Variants in THSD7A observed in about 807,000 individuals in gnomAD.
THSD7A encodes the protein thrombospondin type 1 domain containing 7A, also known as thrombospondin type-1 domain-containing protein 7A.
THSD7A carries 96 observed loss-of-function variants against 231.3 expected under a neutral mutation model. That is an observed-to-expected ratio of 0.41 (90% CI 0.35 to 0.49). The LOEUF (loss-of-function observed/expected upper bound fraction) is 0.49. THSD7A is among the 20% of genes least tolerant of loss of function. The pLI, the probability that THSD7A is intolerant of heterozygous loss-of-function variation, is 0.05. For synonymous variants in THSD7A, 940 were observed against 743.3 expected, an observed-to-expected ratio of 1.26 and a Z score of -4.30; for missense variants, 2,290 against 2,070.2, an observed-to-expected ratio of 1.11 and a Z score of -2.06.
At chr7:11,591,864 A>G (rs1780178199) in intron 3 of THSD7A, among the ~76,000 whole-genome samples, 1 of 152,226 alleles carries the variant, frequency 6.6e-6, no homozygotes, top group Admixed American at 6.5e-5. Context: ...TGAAGTTCTG[A>G]TTTAGGTCAC....
chr7:11,674,110 A>G (rs1783534135), intron 1 of THSD7A, among the ~76,000 whole-genome samples: 1 of 151,978 alleles, frequency 6.6e-6, no homozygotes, highest in South Asian at 2.1e-4. Context: ...ACCCTGAGGT[A>G]GGGGAGAGTG....
chr7:11,469,824 A>C lies in THSD7A; in HGVS notation c.2368+55T>G, dbSNP rs1305583230. Reference sequence around the variant, plus strand: ...CATTGCTAGGCCAGAAGACCTCAGAAGTCTACCGAGGAGGTTTTCTAGGTG... The same window carrying C: ...CATTGCTAGGCCAGAAGACCTCAGACGTCTACCGAGGAGGTTTTCTAGGTG... On this transcript the variant is annotated intron_variant, in intron 9 of 27. Coordinates refer to ENST00000423059, the MANE Select transcript of THSD7A (RefSeq NM_015204.3). 9.8e-6 allele frequency: 12 copies of C among 1,228,068 alleles called. No individual in the cohort carries two copies. In the Middle Eastern group the frequency reaches 1.3e-3, roughly 135 times the overall value. The allele number at this position is 1,228,068 out of a possible 1,614,324, so 76.1% of individuals were successfully genotyped here.
chr7:11,554,747 T>C (rs1046177402), intron 4 of THSD7A, among the ~76,000 whole-genome samples: 1 of 152,056 alleles, frequency 6.6e-6, no homozygotes, highest in Non-Finnish European at 1.5e-5. Flanking sequence ...ATTTTTCTTT[T>C]TGGTGAACTG....
intron 26 of THSD7A, chr7:11,378,852 C>T: frequency 1.9e-6 from 1 of 534,954 alleles, no homozygotes; most frequent in Non-Finnish European, 3.3e-6. Flanking sequence ...AAAATTTTTT[C>T]TCAGAAGAAT....
At chr7:11,438,616 A>G (rs1238510791) in intron 13 of THSD7A, among the ~76,000 whole-genome samples, 2 of 152,056 alleles carry the variant, frequency 1.3e-5, no homozygotes, top group Non-Finnish European at 2.9e-5. Flanking sequence ...ATATTATATT[A>G]ATAAGGCATT....
chr7:11,717,508 G>A (rs1489353119), intron 1 of THSD7A, among the ~76,000 whole-genome samples: 1 of 151,608 alleles, frequency 6.6e-6, no homozygotes, highest in East Asian at 2.0e-4. Flanking sequence ...GACAAGGAGT[G>A]GCACAGTGCC....
intron 1 of THSD7A, among the ~76,000 whole-genome samples, chr7:11,703,947 A>G (rs1339740981): frequency 6.6e-6 from 1 of 151,222 alleles, no homozygotes; most frequent in Non-Finnish European, 1.5e-5. Flanking sequence ...ATTGGGGTAT[A>G]ATTGGCAACA....
At chr7:11,599,797 G>A (rs556186969) in intron 2 of THSD7A, among the ~76,000 whole-genome samples, 1 of 152,066 alleles carries the variant, frequency 6.6e-6, no homozygotes, top group East Asian at 1.9e-4. Context: ...GATGCTGGGT[G>A]TGTCTGTGAG....
chr7:11,788,213 T>C (rs938352850), intron 1 of THSD7A, among the ~76,000 whole-genome samples: 3 of 152,112 alleles, frequency 2.0e-5, no homozygotes, highest in African/African-American at 7.2e-5. Context: ...ACAGCAGTAA[T>C]GATGCAGTCA....
chr7:11,706,047 T>A lies in THSD7A; in HGVS notation c.191-69086A>T, dbSNP rs57294022. ...TTTGCTAATATACTGTGAAGCCACA[T>A]TCGTCTGGTTCTTATAAAATGTTTC... On this transcript the variant is annotated intron_variant, in intron 1 of 27. Coordinates refer to ENST00000423059, the MANE Select transcript of THSD7A (RefSeq NM_015204.3). Among the ~76,000 whole-genome samples, 338 of 151,124 alleles carry A rather than the reference T, an allele frequency of 2.2e-3. 2 individuals are homozygous for A. The highest frequency in any genetic ancestry group is 7.6e-3 in the African/African-American group (314 of 41,436).
chr7:11,391,752 A>C (rs1782989852), intron 23 of THSD7A, among the ~76,000 whole-genome samples: 1 of 152,200 alleles, frequency 6.6e-6, no homozygotes, highest in Non-Finnish European at 1.5e-5. Context: ...CGGAGGCACC[A>C]GAGGGAATCT....
At chr7:11,528,065 GC>G (rs1562687796) in intron 6 of THSD7A, among the ~76,000 whole-genome samples, 3 of 152,270 alleles carry the variant, frequency 2.0e-5, no homozygotes, top group Admixed American at 2.0e-4. Context: ...TACTTGGAAG[GC>G]TGAGGCAGGA....
intron 4 of THSD7A, among the ~76,000 whole-genome samples, chr7:11,555,466 C>T (rs1789806061): frequency 6.6e-6 from 1 of 151,800 alleles, no homozygotes; most frequent in African/African-American, 2.4e-5. Flanking sequence ...ATTTGTTGAA[C>T]TATGTTTTAT....
intron 1 of THSD7A, among the ~76,000 whole-genome samples, chr7:11,801,810 T>C (rs1583302625): frequency 6.6e-6 from 1 of 152,220 alleles, no homozygotes; most frequent in South Asian, 2.1e-4. Context: ...TAAAACTCTA[T>C]GTACTGTTCC....
chr7:11,461,751 A>G (rs189016461), intron 10 of THSD7A, among the ~76,000 whole-genome samples: 3 of 152,314 alleles, frequency 2.0e-5, no homozygotes, highest in Non-Finnish European at 2.9e-5. Flanking sequence ...ATGTTATATC[A>G]ACATAAGACA....
intron 6 of THSD7A, among the ~76,000 whole-genome samples, chr7:11,529,058 A>C (rs62432823): frequency 0.019 from 2,832 of 152,262 alleles, 36 homozygotes; most frequent in Non-Finnish European, 0.027. Context: ...TTCTAGTGAC[A>C]CATTCAGTAT....
At chr7:11,683,019 G>C (rs1783926199) in intron 1 of THSD7A, among the ~76,000 whole-genome samples, 1 of 151,686 alleles carries the variant, frequency 6.6e-6, no homozygotes, top group African/African-American at 2.4e-5. Context: ...CTACTAGGAG[G>C]CTGAGGCAGG....
chr7:11,660,252 G>C (rs958682721), intron 1 of THSD7A, among the ~76,000 whole-genome samples: 1 of 151,506 alleles, frequency 6.6e-6, no homozygotes, highest in Admixed American at 6.6e-5. Context: ...AAGAGATATG[G>C]TTACTGCCCT....
At chr7:11,755,992 A>G (rs924650079) in intron 1 of THSD7A, among the ~76,000 whole-genome samples, 2 of 152,088 alleles carry the variant, frequency 1.3e-5, no homozygotes, top group Non-Finnish European at 2.9e-5. Context: ...ATGTGCACTT[A>G]TATTTCTAAG....
Sources: allele counts gnomAD v4.1 joint callset (sites outside exome capture counted in the v4.1 genomes callset), GRCh38; gene constraint gnomAD v4.1.1; transcripts MANE v1.5; gene names NCBI Gene and HGNC (gene_info 2026-07-23, HGNC 2026-07-21).